CELSR1: variants seen among roughly 807,000 people sequenced by gnomAD.
CELSR1 encodes the protein adhesion G protein-coupled receptor C1.
In CELSR1, 110 loss-of-function variants were observed where a neutral mutation model predicts 249.1. The observed-to-expected ratio is 0.44, with a 90% CI of 0.38 to 0.52. The LOEUF is 0.52. Among genes scored for constraint, CELSR1 ranks in the 20% least tolerant of loss-of-function variants. The pLI is 0.00. For missense variants in CELSR1, 4,109 were observed against 4,296.4 expected, an observed-to-expected ratio of 0.96 and a Z score of 1.22; for synonymous variants, 2,113 against 1,900.0, an observed-to-expected ratio of 1.11 and a Z score of -2.92.
chr22:46,462,382 C>T (rs1029218233), intron 2 of CELSR1, among the ~76,000 whole-genome samples: 12 of 152,096 alleles, frequency 7.9e-5, no homozygotes, highest in Admixed American at 3.9e-4. Flanking sequence ...GGTGGTTTTC[C>T]CTCCACTTCT....
chr22:46,369,655 TG>T, intron 26 of CELSR1, 36 bp downstream of exon 26: 2 of 1,587,044 alleles, frequency 1.3e-6, no homozygotes, highest in Non-Finnish European at 1.7e-6. Context: ...CATGCATGTT[TG>T]GGGCACCCGG....
At chr22:46,422,188 C>T (rs1027968601) in intron 5 of CELSR1, among the ~76,000 whole-genome samples, 1 of 152,082 alleles carries the variant, frequency 6.6e-6, no homozygotes, top group Non-Finnish European at 1.5e-5. Context: ...TCACTGCAAC[C>T]TCTACCTCCC....
chr22:46,453,874 G>A (rs901861412), intron 2 of CELSR1, among the ~76,000 whole-genome samples: 4 of 152,176 alleles, frequency 2.6e-5, no homozygotes, highest in Non-Finnish European at 4.4e-5. Flanking sequence ...GTGAGTGGTC[G>A]AGATTGTTTA....
intron 2 of CELSR1, among the ~76,000 whole-genome samples, chr22:46,453,504 G>T (rs2079910268): frequency 6.6e-6 from 1 of 152,208 alleles, no homozygotes; most frequent in Non-Finnish European, 1.5e-5. Flanking sequence ...GCTATGTCCA[G>T]CCAGCTTCAT....
intron 1 of CELSR1, among the ~76,000 whole-genome samples, chr22:46,531,970 T>C (rs1437431947): frequency 6.6e-6 from 1 of 151,828 alleles, no homozygotes; most frequent in African/African-American, 2.4e-5. Flanking sequence ...GATGACTACA[T>C]AGTGTGGAGC....
At chr22:46,416,927 G>T (rs1245276887) in intron 5 of CELSR1, among the ~76,000 whole-genome samples, 2 of 151,026 alleles carry the variant, frequency 1.3e-5, no homozygotes, top group African/African-American at 4.9e-5. Context: ...TGGGAGGCCG[G>T]TGGGGGTACG....
At chr22:46,525,340 T>C (rs1219737446) in intron 1 of CELSR1, among the ~76,000 whole-genome samples, 3 of 151,680 alleles carry the variant, frequency 2.0e-5, no homozygotes, top group Non-Finnish European at 4.4e-5. Context: ...TCTCCGCTAC[T>C]CGGGAGGCTG....
At position 46,430,344 on chromosome 22, in the gene CELSR1, G is replaced by A. The variant is rs1274839347; in HGVS notation, c.4611+3049C>T. Among the ~76,000 whole-genome samples, 1 of 152,172 alleles carries A rather than the reference G, an allele frequency of 6.6e-6. No homozygotes were observed. Among genetic ancestry groups the A allele is most frequent in the Non-Finnish European group, 1.5e-5 (1 of 68,016 alleles). ...CAAAACCAGCGAGGTGGTGTGGCAG[G>A]TAAATGGAGCGTGCTGGGGCAAGGA... is the stretch of plus-strand genomic sequence containing the variant. On this transcript the variant is annotated intron_variant, in intron 5 of 34. Transcript: ENST00000674500. This position sits in a 1 kb window ranked among gnomAD's most constrained non-coding sequence, Gnocchi z 4.6.
rs756623065 is a variant in CELSR1, at chr22:46,391,693, C to T, written c.6088G>A (p.Gly2030Ser). The change falls in exon 15 of 35, where the codon GGC (glycine) becomes AGC (serine). Residue 2030 changes from glycine to serine, a missense_variant. Transcript: ENST00000674500. This position sits in a 1 kb window ranked among gnomAD's most constrained non-coding sequence, Gnocchi z 4.3. ...GQCACKPGVI[G>S]RQCNRCDNPF... ...TTGTCGCAGCGGTTGCACTGGCGGC[C>T]GATGACGCCGGGCTTGCAGGCACAC... 12 of 1,609,868 alleles carry T rather than the reference C, an allele frequency of 7.5e-6. No individual in the cohort carries two copies. Among genetic ancestry groups the T allele is most frequent in the African/African-American group, 2.7e-5 (2 of 74,836 alleles).
At position 46,535,812 on chromosome 22, in the gene CELSR1, G is replaced by A. The variant is rs371695681; in HGVS notation, c.1359C>T (p.Asn453=). Residue 453 remains asparagine, a synonymous_variant, in exon 1 of 35, where the codon AAC becomes AAT. Coordinates refer to ENST00000674500, the MANE Select transcript of CELSR1 (RefSeq NM_001378328.1). ...ATVYIEVEDE[N]DNYPQFSEQN... is the part of the protein sequence containing the mutation. ...GCTCGCTGAACTGGGGGTAGTTGTC[G>A]TTCTCGTCCTCCACCTCGATGTACA... The A allele has an allele frequency of 1.9e-6, 3 of 1,610,894 alleles. No individual in the cohort carries two copies. The highest frequency in any genetic ancestry group is 2.2e-5 in the East Asian group (1 of 44,760).
chr22:46,392,851 G>GCC (rs1347311993), intron 14 of CELSR1, among the ~76,000 whole-genome samples: 1 of 152,118 alleles, frequency 6.6e-6, no homozygotes, highest in African/African-American at 2.4e-5. Flanking sequence ...GAGCCACCAC[G>GCC]CCCTGCCTAT....
At chr22:46,457,872 GCA>G (rs2079975322) in intron 2 of CELSR1, among the ~76,000 whole-genome samples, 1 of 152,184 alleles carries the variant, frequency 6.6e-6, no homozygotes, top group African/African-American at 2.4e-5. Context: ...ACCAGAGGCA[GCA>G]CAGGCAGCAC....
chr22:46,404,428 GA>G (rs1158140792), intron 9 of CELSR1, among the ~76,000 whole-genome samples: 1 of 151,682 alleles, frequency 6.6e-6, no homozygotes, highest in Non-Finnish European at 1.5e-5. Context: ...AAAAGAAAAA[GA>G]AAAAAGAAAA....
At chr22:46,385,674 ATT>A (rs747955777) in intron 19 of CELSR1, among the ~76,000 whole-genome samples, 15,193 of 131,448 alleles carry the variant, frequency 0.12, 1,118 homozygotes, top group African/African-American at 0.26. Context: ...CCTGCCGAAT[ATT>A]TTTTTTTTTT....
At position 46,361,958 on chromosome 22, in the gene CELSR1, C is replaced by G. The variant is rs375310374; in HGVS notation, c.*1265G>C. 1 of 152,238 alleles carries G rather than the reference C, an allele frequency of 6.6e-6. No individual in the cohort carries two copies. The highest frequency in any genetic ancestry group is 1.5e-5 in the Non-Finnish European group (1 of 68,054). 9.4% of individuals were successfully genotyped at this position (152,238 alleles called of 1,614,324 possible). On this transcript the variant is annotated 3_prime_UTR_variant, in exon 35 of 35. Transcript: ENST00000674500. ...GAATTTCCAAAAACAGTTTGGTAAC[C>G]GTTGAAGAGTGTGGCTGTGGCTTTG...
In CELSR1 at chr22:46,435,713, A is replaced by T. The variant is rs995749287; in HGVS notation, c.4522+461T>A. ...TTATGAACATCTTTTTATTATTATT[A>T]TTTTTTGAGACAGAGTCTCACTCCG... On this transcript the variant is annotated intron_variant, in intron 4 of 34. Coordinates refer to ENST00000674500, the MANE Select transcript of CELSR1 (RefSeq NM_001378328.1). Among the ~76,000 whole-genome samples, 12 of 150,870 alleles carry T rather than the reference A, an allele frequency of 8.0e-5. No homozygotes were observed. In the South Asian group the frequency reaches 1.9e-3, roughly 24 times the overall value.
At chr22:46,455,644 C>T (rs373320643) in intron 2 of CELSR1, among the ~76,000 whole-genome samples, 9 of 152,142 alleles carry the variant, frequency 5.9e-5, no homozygotes, top group Admixed American at 2.0e-4. Flanking sequence ...CAGTTTGTGC[C>T]GATCGGTTAC....
At chr22:46,405,513 T>C (rs1399360633) in intron 9 of CELSR1, among the ~76,000 whole-genome samples, 1 of 151,724 alleles carries the variant, frequency 6.6e-6, no homozygotes, top group Admixed American at 6.6e-5. Flanking sequence ...TGTTCTTGCT[T>C]AAAGAACTCC....
chr22:46,463,591 C>G (rs866080879), intron 2 of CELSR1, 116 bp downstream of exon 2: 1 of 1,150,638 alleles, frequency 8.7e-7, no homozygotes. Flanking sequence ...CTGGGCCCAG[C>G]GCCCATCCTC....
Sources: allele counts gnomAD v4.1 joint callset (sites outside exome capture counted in the v4.1 genomes callset), GRCh38; gene constraint gnomAD v4.1.1; non-coding constraint Gnocchi (gnomAD v3.1); transcripts MANE v1.5; gene names NCBI Gene and HGNC (gene_info 2026-07-23, HGNC 2026-07-21).